Variants in NLGN1 observed in about 807,000 individuals in gnomAD.
NLGN1 encodes neuroligin 1, also known as neuroligin-1.
Under a neutral mutation model 65.5 loss-of-function variants are expected in NLGN1, and 12 were observed. That is an observed-to-expected ratio of 0.18 (90% CI 0.12 to 0.30). NLGN1 has a LOEUF of 0.30. Among genes scored for constraint, NLGN1 ranks in the 10% least tolerant of loss-of-function variants. The probability of loss-of-function intolerance (pLI) is 1.00; values close to 1 mark genes in which losing one functional copy is unlikely to be tolerated. For missense variants in NLGN1, 750 were observed against 1,007.1 expected, an observed-to-expected ratio of 0.74 and a Z score of 3.46; for synonymous variants, 350 against 359.5, an observed-to-expected ratio of 0.97 and a Z score of 0.30.
intron 3 of NLGN1, among the ~76,000 whole-genome samples, chr3:173,710,605 A>T (rs1167147716): frequency 6.6e-6 from 1 of 152,200 alleles, no homozygotes; most frequent in East Asian, 1.9e-4. Flanking sequence ...CCCACAGCAC[A>T]CGAGTGCAAT....
intron 4 of NLGN1, among the ~76,000 whole-genome samples, chr3:174,215,318 C>T (rs1465781885): frequency 2.0e-5 from 3 of 152,138 alleles, no homozygotes; most frequent in Non-Finnish European, 4.4e-5. Context: ...TTGAGAACTT[C>T]TTGGAGAAAT....
At chr3:174,074,519 CAT>C (rs1292314873) in intron 4 of NLGN1, among the ~76,000 whole-genome samples, 6 of 152,026 alleles carry the variant, frequency 3.9e-5, no homozygotes, top group African/African-American at 1.4e-4. Context: ...TTGTTGCAAA[CAT>C]ATTGAAAATC....
chr3:173,949,558 TTAC>T (rs1747806030), intron 4 of NLGN1, among the ~76,000 whole-genome samples: 1 of 152,180 alleles, frequency 6.6e-6, no homozygotes, highest in Admixed American at 6.6e-5. Context: ...GACCTTGTCT[TTAC>T]TACTTTCAGA....
downstream of NLGN1, among the ~76,000 whole-genome samples, chr3:174,291,265 A>T (rs1752738796): frequency 6.6e-6 from 1 of 151,094 alleles, no homozygotes; most frequent in Non-Finnish European, 1.5e-5. Flanking sequence ...CTCAATATGC[A>T]TGTATATGGA....
intron 3 of NLGN1, among the ~76,000 whole-genome samples, chr3:173,762,363 A>G (rs1778090021): frequency 6.6e-6 from 1 of 152,120 alleles, no homozygotes; most frequent in South Asian, 2.1e-4. Context: ...GGGATCTGCT[A>G]TAAAAGTGAC....
At position 173,563,845 on chromosome 3, in the gene NLGN1, G is replaced by A. The variant is rs148834491; in HGVS notation, c.-320-40434G>A. On this transcript the variant is annotated intron_variant, in intron 2 of 6. Coordinates refer to ENST00000457714, the Ensembl canonical transcript of NLGN1. Reference sequence around the variant, plus strand: ...CAACAGGCTTCTTGCTCGTCTTCCTGTTTCCATCTTTGTCCCTCTACAACC... The same window carrying A: ...CAACAGGCTTCTTGCTCGTCTTCCTATTTCCATCTTTGTCCCTCTACAACC... 6.7e-4 allele frequency among the ~76,000 whole-genome samples: 102 copies of A among 152,228 alleles called. No individual in the cohort carries two copies. In the East Asian group the frequency reaches 0.013, roughly 20 times the overall value.
At chr3:173,819,575 G>C (rs74734186) in intron 4 of NLGN1, among the ~76,000 whole-genome samples, 2 of 152,102 alleles carry the variant, frequency 1.3e-5, no homozygotes, top group Middle Eastern at 3.2e-3. Context: ...TTTCTCAATC[G>C]TTGTAGCTCT....
chr3:174,243,064 A>T (rs566111271), intron 4 of NLGN1, among the ~76,000 whole-genome samples: 1 of 152,342 alleles, frequency 6.6e-6, no homozygotes. Flanking sequence ...GCAAAGATGA[A>T]AAATGATATG....
intron 4 of NLGN1, among the ~76,000 whole-genome samples, chr3:173,966,157 T>C (rs952594880): frequency 6.6e-6 from 1 of 152,204 alleles, no homozygotes; most frequent in Non-Finnish European, 1.5e-5. Context: ...TCTGTAACAA[T>C]AGAGCCAATG....
At chr3:174,229,826 TG>T (rs1441130482) in intron 4 of NLGN1, among the ~76,000 whole-genome samples, 1 of 152,220 alleles carries the variant, frequency 6.6e-6, no homozygotes, top group Non-Finnish European at 1.5e-5. Context: ...TTCTTAGCCT[TG>T]TTTTACATAA....
intron 3 of NLGN1, among the ~76,000 whole-genome samples, chr3:173,645,046 C>A (rs1223808161): frequency 6.6e-6 from 1 of 152,202 alleles, no homozygotes; most frequent in African/African-American, 2.4e-5. Context: ...GCCATCCTGG[C>A]TAAGGGACAT....
intron 4 of NLGN1, among the ~76,000 whole-genome samples, chr3:173,808,459 G>C (rs1717146394): frequency 6.6e-6 from 1 of 152,122 alleles, no homozygotes; most frequent in African/African-American, 2.4e-5. Flanking sequence ...TTGATAAAAA[G>C]TATAGAGACA....
intron 4 of NLGN1, among the ~76,000 whole-genome samples, chr3:174,181,809 ATGTATG>A (rs1730474205): frequency 8.5e-6 from 1 of 118,338 alleles, no homozygotes; most frequent in Non-Finnish European, 1.8e-5. Context: ...ACACACACAT[ATGTATG>A]TACACACAAA....
intron 2 of NLGN1, among the ~76,000 whole-genome samples, chr3:173,447,470 T>A (rs1205181675): frequency 1.3e-5 from 2 of 152,214 alleles, no homozygotes; most frequent in Non-Finnish European, 2.9e-5. Context: ...TACTGTAGCC[T>A]TGTAGTATAG....
intron 4 of NLGN1, among the ~76,000 whole-genome samples, chr3:174,036,313 T>G (rs1486304873): frequency 6.6e-6 from 1 of 152,186 alleles, no homozygotes; most frequent in Non-Finnish European, 1.5e-5. Context: ...GTTCTTCAGG[T>G]GATTCTTATG....
At chr3:174,291,689 G>A in the NLGN1 span, among the ~76,000 whole-genome samples, 5 of 151,142 alleles carry the variant, frequency 3.3e-5, no homozygotes, top group African/African-American at 9.7e-5. Flanking sequence ...TGGACAAACT[G>A]TTATTGGCAT....
rs559507377 is a variant in NLGN1, at chr3:173,708,662, T to C, written c.494-99018T>C. On this transcript the variant is annotated intron_variant, in intron 3 of 6. Coordinates refer to ENST00000457714, the Ensembl canonical transcript of NLGN1. ...CATCCACTGGGCCCCCTAGAATCCT[T>C]GTCCCCTGAGGAGAAATACAGGATG... 9.9e-5 allele frequency among the ~76,000 whole-genome samples: 15 copies of C among 152,234 alleles called. No homozygotes were observed. The East Asian group carries it at 2.7e-3, about 27-fold the overall frequency.
chr3:173,932,327 A>T (rs762992292), intron 4 of NLGN1, among the ~76,000 whole-genome samples: 3 of 152,164 alleles, frequency 2.0e-5, no homozygotes, highest in Non-Finnish European at 4.4e-5. Flanking sequence ...ATAAGAAATA[A>T]ATTAATCTAT....
At chr3:173,502,763 C>T (rs1222579034) in intron 2 of NLGN1, among the ~76,000 whole-genome samples, 2 of 151,972 alleles carry the variant, frequency 1.3e-5, no homozygotes, top group Admixed American at 6.6e-5. Flanking sequence ...GAATTTTAAT[C>T]GACGTCCCCT....
Sources: allele counts gnomAD v4.1 joint callset (sites outside exome capture counted in the v4.1 genomes callset), GRCh38; gene constraint gnomAD v4.1.1; transcripts MANE v1.5; gene names NCBI Gene and HGNC (gene_info 2026-07-23, HGNC 2026-07-21).